ACOT1: variants seen among roughly 807,000 people sequenced by gnomAD.
ACOT1 encodes acyl-coenzyme A thioesterase 1.
In ACOT1, 8 loss-of-function variants were observed where a neutral mutation model predicts 15.7. That is an observed-to-expected ratio of 0.51 (90% CI 0.30 to 0.92). The LOEUF (loss-of-function observed/expected upper bound fraction) is 0.92. Ranked by LOEUF, ACOT1 falls within the 40% of genes least tolerant of loss-of-function variation. The probability of loss-of-function intolerance (pLI) is 0.06; values close to 1 mark genes in which losing one functional copy is unlikely to be tolerated. For synonymous variants in ACOT1, 67 were observed against 241.2 expected, an observed-to-expected ratio of 0.28 and a Z score of 6.69; for missense variants, 151 against 539.4, an observed-to-expected ratio of 0.28 and a Z score of 7.13.
chr14:73,537,249 T>C lies in ACOT1; in HGVS notation c.-173T>C. On this transcript the variant is annotated 5_prime_UTR_variant, in exon 1 of 3. Coordinates refer to ENST00000311148, the MANE Select transcript of ACOT1 (RefSeq NM_001037161.2). ...CTTTAAGCAAGTTCCAGTGTGTCTA[T>C]ATTTGGTCTGGCTGATCGGCTGGAC... The C allele has an allele frequency of 1.9e-6, 1 of 537,868 alleles. No homozygotes were observed. Among genetic ancestry groups the C allele is most frequent in the Non-Finnish European group, 2.9e-6 (1 of 346,896 alleles). The allele number at this position is 537,868 out of a possible 1,614,324, so 33.3% of individuals were successfully genotyped here. A position where few individuals can be genotyped will look rare whatever the true frequency, so the allele number is the denominator to read the frequency against.
chr14:73,515,068 CA>C, the ACOT1 span, among the ~76,000 whole-genome samples: 32,315 of 110,506 alleles, frequency 0.29, 3,977 homozygotes, highest in African/African-American at 0.38. Context: ...ACTCCGTTCT[CA>C]AAAAAAAAAA....
upstream of ACOT1, among the ~76,000 whole-genome samples, chr14:73,532,358 G>A (rs1440621583): frequency 3.4e-5 from 4 of 116,482 alleles, no homozygotes; most frequent in South Asian, 5.4e-4. Flanking sequence ...TGTATTTCTA[G>A]TAGTATAATT....
At chr14:73,511,983 A>G in the ACOT1 span, 1 of 1,613,620 alleles carries the variant, frequency 6.2e-7, no homozygotes, top group South Asian at 1.1e-5. Context: ...TATGTTCTCA[A>G]GCAGTTCAGC....
the ACOT1 span, chr14:73,498,972 C>T: frequency 1.0e-6 from 1 of 982,920 alleles, no homozygotes; most frequent in Non-Finnish European, 1.6e-6. Flanking sequence ...ATTACCTCTC[C>T]TGCACTTCAC....
At chr14:73,521,514 CAG>C in the ACOT1 span, among the ~76,000 whole-genome samples, 2 of 152,172 alleles carry the variant, frequency 1.3e-5, no homozygotes, top group Admixed American at 1.3e-4. Context: ...CAGCACTTTG[CAG>C]AGTGCCTGGA....
At chr14:73,519,371 A>G in the ACOT1 span, among the ~76,000 whole-genome samples, 10 of 147,506 alleles carry the variant, frequency 6.8e-5, no homozygotes, top group East Asian at 1.4e-3. Flanking sequence ...TCTGTGGGGG[A>G]AAAAAAAAAG....
chr14:73,502,866 A>C, the ACOT1 span: 2 of 1,521,492 alleles, frequency 1.3e-6, no homozygotes, highest in African/African-American at 1.4e-5. Flanking sequence ...AATTTAGAAG[A>C]GTGTCTCCTC....
the ACOT1 span, among the ~76,000 whole-genome samples, chr14:73,524,304 A>ATATATAT: frequency 1.1e-5 from 1 of 93,768 alleles, no homozygotes; most frequent in Admixed American, 1.1e-4. Flanking sequence ...AAAAAAAAAA[A>ATATATAT]AAAAAAATAT....
At chr14:73,504,698 T>C in the ACOT1 span, among the ~76,000 whole-genome samples, 2 of 152,166 alleles carry the variant, frequency 1.3e-5, no homozygotes, top group African/African-American at 2.4e-5. Flanking sequence ...GTGCTTCCCA[T>C]ATCAAAATGT....
At chr14:73,507,965 C>T in the ACOT1 span, among the ~76,000 whole-genome samples, 4 of 152,092 alleles carry the variant, frequency 2.6e-5, no homozygotes, top group African/African-American at 4.8e-5. Context: ...AGTCTGGTCT[C>T]GAACTCCTGA....
the ACOT1 span, among the ~76,000 whole-genome samples, chr14:73,519,407 C>A: frequency 6.6e-6 from 1 of 152,080 alleles, no homozygotes; most frequent in African/African-American, 2.4e-5. Flanking sequence ...TAGCTAGTCA[C>A]CTCATTAGAG....
chr14:73,491,743 C>A, the ACOT1 span: 1 of 1,555,918 alleles, frequency 6.4e-7, no homozygotes, highest in Non-Finnish European at 8.7e-7. Flanking sequence ...AGGGACTTTT[C>A]TCTACCGCTG....
chr14:73,496,914 G>C, the ACOT1 span, among the ~76,000 whole-genome samples: 1 of 152,216 alleles, frequency 6.6e-6, no homozygotes, highest in African/African-American at 2.4e-5. Flanking sequence ...TTGCGAGATG[G>C]AGTCTTGCTC....
chr14:73,522,489 G>A, the ACOT1 span: 7 of 1,614,106 alleles, frequency 4.3e-6, no homozygotes, highest in African/African-American at 4.0e-5. Context: ...CTTCGAGGAC[G>A]CTTGCTCTGG....
the ACOT1 span, chr14:73,514,303 C>A: frequency 7.1e-7 from 1 of 1,405,176 alleles, no homozygotes; most frequent in Non-Finnish European, 9.9e-7. Context: ...GTGGCCCCAG[C>A]TTGCATCCCA....
chr14:73,526,548 A>T, the ACOT1 span, among the ~76,000 whole-genome samples: 1 of 151,758 alleles, frequency 6.6e-6, no homozygotes, highest in African/African-American at 2.4e-5. Flanking sequence ...AAGGAGAGGG[A>T]AGAGTACTCA....
chr14:73,528,346 C>T, the ACOT1 span, among the ~76,000 whole-genome samples: 4 of 143,454 alleles, frequency 2.8e-5, no homozygotes, highest in Admixed American at 7.4e-5. Flanking sequence ...GAGCCAAGAT[C>T]GCGCCACTGG....
At chr14:73,516,891 AC>A in the ACOT1 span, among the ~76,000 whole-genome samples, 1 of 151,780 alleles carries the variant, frequency 6.6e-6, no homozygotes, top group Non-Finnish European at 1.5e-5. Flanking sequence ...AACCATCCCC[AC>A]CCCGCTGGTC....
upstream of ACOT1, among the ~76,000 whole-genome samples, chr14:73,532,615 G>A (rs569611973): frequency 8.7e-5 from 10 of 115,324 alleles, 2 homozygotes; most frequent in African/African-American, 2.5e-4. Flanking sequence ...GCACTCAGAT[G>A]GTTGGACCAC....
Sources: gnomAD v4.1 joint callset for allele counts (sites outside exome capture counted in the v4.1 genomes callset) on GRCh38, gnomAD v4.1.1 for gene constraint, MANE v1.5 for transcripts, NCBI Gene and HGNC (gene_info 2026-07-23, HGNC 2026-07-21) for gene names.